Variants in SLC9A1 observed in about 807,000 individuals in gnomAD.
SLC9A1 encodes the protein solute carrier family 9 member A1.
SLC9A1 carries 22 observed loss-of-function variants against 67.9 expected under a neutral mutation model. The observed-to-expected ratio is 0.32, with a 90% CI of 0.23 to 0.46. SLC9A1 has a LOEUF of 0.46. Ranked by LOEUF, SLC9A1 falls within the 20% of genes least tolerant of loss-of-function variation. The probability of loss-of-function intolerance (pLI) is 1.00; values close to 1 mark genes in which losing one functional copy is unlikely to be tolerated. For missense variants in SLC9A1, 686 were observed against 1,094.8 expected (o/e 0.63, Z 5.27); for synonymous variants, 421 against 471.8 (o/e 0.89, Z 1.40).
intron 6 of SLC9A1, 174 bp from the exon 7 acceptor site, chr1:27,102,917 ACT>A (rs1002017813): frequency 9.3e-6 from 6 of 644,400 alleles, no homozygotes; most frequent in East Asian, 2.7e-5. Flanking sequence ...AGCGGCCCTG[ACT>A]CTGGGTATCT....
intron 1 of SLC9A1, among the ~76,000 whole-genome samples, chr1:27,153,602 A>T (rs2124223423): frequency 6.6e-6 from 1 of 152,352 alleles, no homozygotes. Context: ...TTGACAGAGC[A>T]GAATGTGCCA....
At chr1:27,143,193 T>C (rs2083463063) in intron 1 of SLC9A1, among the ~76,000 whole-genome samples, 1 of 152,046 alleles carries the variant, frequency 6.6e-6, no homozygotes, top group Non-Finnish European at 1.5e-5. Flanking sequence ...ACCTAGATCC[T>C]AGAACAACAG....
In SLC9A1 at chr1:27,154,057, C is replaced by T. The variant is rs763699605; in HGVS notation, c.278G>A (p.Gly93Asp). 2.5e-6 allele frequency: 4 copies of T among 1,611,896 alleles called. No homozygotes were observed. Among genetic ancestry groups the T allele is most frequent in the Non-Finnish European group, 3.4e-6 (4 of 1,178,708 alleles). Residue 93 changes from glycine (G) to aspartate (D), a missense_variant, in exon 1 of 12, where the codon GGC becomes GAC. By Grantham distance (94) the Gly-to-Asp change is moderately conservative. This residue lies in a region of SLC9A1 where 143 missense variants were observed against 166.7 expected (regional missense o/e 0.86). Coordinates refer to ENST00000263980, the MANE Select transcript of SLC9A1 (RefSeq NM_003047.5). Reference sequence around the variant, plus strand: ...GGTGCGCACGTGTGTGTAGTCGATGCCCAGGACTGGAAAGGCCTTGCGCGG... The same window carrying T: ...GGTGCGCACGTGTGTGTAGTCGATGTCCAGGACTGGAAAGGCCTTGCGCGG... ...MKPRKAFPVLGIDYTHVRTPF... is the reference protein window; with the variant it reads ...MKPRKAFPVLDIDYTHVRTPF...
At chr1:27,138,545 G>A (rs1053177352) in intron 1 of SLC9A1, among the ~76,000 whole-genome samples, 1 of 152,148 alleles carries the variant, frequency 6.6e-6, no homozygotes, top group African/African-American at 2.4e-5. Context: ...GGTGGGGCGT[G>A]TGCTGCCCGT....
intron 1 of SLC9A1, among the ~76,000 whole-genome samples, chr1:27,144,173 C>T (rs2083468075): frequency 6.6e-6 from 1 of 152,196 alleles, no homozygotes; most frequent in South Asian, 2.1e-4. Context: ...TATAAATTAA[C>T]AAGATTGCCT....
At chr1:27,127,318 T>C (rs2083352491) in intron 1 of SLC9A1, among the ~76,000 whole-genome samples, 1 of 152,184 alleles carries the variant, frequency 6.6e-6, no homozygotes, top group Non-Finnish European at 1.5e-5. Context: ...AGGCTTTCTA[T>C]TGGAGCAAAT....
In SLC9A1 at chr1:27,152,677, G is replaced by C. The variant is rs189802664; in HGVS notation, c.352+1306C>G. Reference sequence around the variant, plus strand: ...TCAAGGTATAGGTGCTGATGGCTTAGTTCCATGTAAGGCTCTGCTACTGTG... The same window carrying C: ...TCAAGGTATAGGTGCTGATGGCTTACTTCCATGTAAGGCTCTGCTACTGTG... On this transcript the variant is annotated intron_variant, in intron 1 of 11. Coordinates refer to ENST00000263980, the MANE Select transcript of SLC9A1 (RefSeq NM_003047.5). Among the ~76,000 whole-genome samples the C allele has an allele frequency of 3.9e-5, 6 of 152,284 alleles. No individual in the cohort carries two copies. In the South Asian group the frequency reaches 6.2e-4, roughly 16 times the overall value.
chr1:27,133,253 G>A (rs2083398041), intron 1 of SLC9A1, among the ~76,000 whole-genome samples: 1 of 152,014 alleles, frequency 6.6e-6, no homozygotes, highest in African/African-American at 2.4e-5. Context: ...TTTTTTAGTA[G>A]AGATGTGGTT....
intron 1 of SLC9A1, among the ~76,000 whole-genome samples, chr1:27,140,053 A>G (rs1319919269): frequency 6.6e-6 from 1 of 151,938 alleles, no homozygotes; most frequent in African/African-American, 2.4e-5. Context: ...TCAGCCTCCC[A>G]AAGTGCCGGG....
chr1:27,149,687 G>T (rs935319193), intron 1 of SLC9A1, among the ~76,000 whole-genome samples: 2 of 152,206 alleles, frequency 1.3e-5, no homozygotes, highest in African/African-American at 4.8e-5. Context: ...CAGCCTCTAC[G>T]TTGGTCTTAA....
chr1:27,108,062 A>ATTTTTTTTT (rs1026584834), intron 3 of SLC9A1, among the ~76,000 whole-genome samples, 197 bp from the exon 4 acceptor site: 1 of 108,924 alleles, frequency 9.2e-6, no homozygotes, highest in Non-Finnish European at 1.9e-5. Flanking sequence ...GTATTCCTCC[A>ATTTTTTTTT]TTTTTTTTTT....
chr1:27,110,162 G>A (rs1457769160), intron 2 of SLC9A1, among the ~76,000 whole-genome samples: 1 of 152,212 alleles, frequency 6.6e-6, no homozygotes, highest in Non-Finnish European at 1.5e-5. Context: ...ACTGCTGTGA[G>A]GACTAAATCA....
At position 27,100,311 on chromosome 1, in the gene SLC9A1, T is replaced by A; in HGVS notation, c.2444A>T (p.Gln815Leu). ...GEGEPFFPKGQ is the reference protein window; with the variant it reads ...GEGEPFFPKGL ...CGCTGCCTGCTGGCCCTGGTGTTAC[T>A]GCCCCTTGGGGAAGAACGGTTCTCC... Residue 815 changes from glutamine to leucine, a missense_variant, in exon 12 of 12, where the codon CAG (glutamine) becomes CTG (leucine). By Grantham distance (113) the Gln-to-Leu change is moderately radical. Transcript: ENST00000263980. The surrounding 1 kb of genome is among the most constrained non-coding windows in gnomAD (Gnocchi z 5.6). The A allele has an allele frequency of 6.6e-7, 1 of 1,524,024 alleles. No individual in the cohort carries two copies. Among genetic ancestry groups the A allele is most frequent in the Non-Finnish European group, 8.8e-7 (1 of 1,136,370 alleles). 94.4% of individuals were successfully genotyped at this position (1,524,024 alleles called of 1,614,324 possible). A position where few individuals can be genotyped will look rare whatever the true frequency, so the allele number is the denominator to read the frequency against.
chr1:27,131,150 C>T (rs2083381407), intron 1 of SLC9A1, among the ~76,000 whole-genome samples: 1 of 152,206 alleles, frequency 6.6e-6, no homozygotes, highest in African/African-American at 2.4e-5. Context: ...GCAGCCAGAA[C>T]TGGGGAAGCA....
At chr1:27,146,276 G>GC (rs1460705640) in intron 1 of SLC9A1, among the ~76,000 whole-genome samples, 3 of 152,140 alleles carry the variant, frequency 2.0e-5, no homozygotes, top group Non-Finnish European at 2.9e-5. Context: ...ACAGCCTCAG[G>GC]CCCCCAGCTC....
chr1:27,133,347 G>T (rs1334899635), intron 1 of SLC9A1, among the ~76,000 whole-genome samples: 1 of 151,868 alleles, frequency 6.6e-6, no homozygotes, highest in African/African-American at 2.4e-5. Context: ...TGTGATTACA[G>T]GCATGAGCCA....
intron 1 of SLC9A1, among the ~76,000 whole-genome samples, chr1:27,130,323 C>T (rs1359065264): frequency 6.6e-6 from 1 of 152,144 alleles, no homozygotes; most frequent in Non-Finnish European, 1.5e-5. Flanking sequence ...AGACTGGTCT[C>T]GAACGCTTGA....
At position 27,109,335 on chromosome 1, in the gene SLC9A1, T is replaced by G. The variant is rs1428046935; in HGVS notation, c.1064+192A>C. On this transcript the variant is annotated intron_variant, in intron 3 of 11. Coordinates refer to ENST00000263980, the MANE Select transcript of SLC9A1 (RefSeq NM_003047.5). This position sits in a 1 kb window ranked among gnomAD's most constrained non-coding sequence, Gnocchi z 5.5. Reference sequence around the variant, plus strand: ...GGGGGCGCTGCAGAAGTGCTCCTCTTCTAGGAAGCCACTGATGCCCTTGGC... The same window carrying G: ...GGGGGCGCTGCAGAAGTGCTCCTCTGCTAGGAAGCCACTGATGCCCTTGGC... Among the ~76,000 whole-genome samples the G allele has an allele frequency of 6.6e-6, 1 of 152,078 alleles. No homozygotes were observed. Among genetic ancestry groups the G allele is most frequent in the African/African-American group, 2.4e-5 (1 of 41,418 alleles).
Position 27,100,753 on chromosome 1 carries a change from G to T in SLC9A1, c.2111-109C>A. 2.3e-6 allele frequency: 2 copies of T among 860,122 alleles called. No homozygotes were observed. Among genetic ancestry groups the T allele is most frequent in the Non-Finnish European group, 1.8e-6 (1 of 549,090 alleles). 53.3% of individuals were successfully genotyped at this position (860,122 alleles called of 1,614,324 possible). A position where few individuals can be genotyped will look rare whatever the true frequency, so the allele number is the denominator to read the frequency against. ...TTCAGGCCTTCTCATGAGCACAGCC[G>T]TCCCGGTCCCAACAGGCCTCAGAAG... is the stretch of plus-strand genomic sequence containing the variant. On this transcript the variant is annotated intron_variant, in intron 11 of 11. Coordinates refer to ENST00000263980, the MANE Select transcript of SLC9A1 (RefSeq NM_003047.5). The surrounding 1 kb of genome is among the most constrained non-coding windows in gnomAD (Gnocchi z 5.6).
Sources: allele counts gnomAD v4.1 joint callset (sites outside exome capture counted in the v4.1 genomes callset), GRCh38; gene constraint gnomAD v4.1.1; regional missense constraint gnomAD v4.1.1; non-coding constraint Gnocchi (gnomAD v3.1); transcripts MANE v1.5; gene names NCBI Gene and HGNC (gene_info 2026-07-23, HGNC 2026-07-21).